SPATA16: variants seen among roughly 807,000 people sequenced by gnomAD.
The protein encoded by SPATA16 is spermatogenesis associated 16.
In SPATA16, 36 loss-of-function variants were observed where a neutral mutation model predicts 63.3. The observed-to-expected ratio is 0.57, with a 90% CI of 0.44 to 0.75. SPATA16 has a LOEUF of 0.75. Ranked by LOEUF, SPATA16 falls within the 30% of genes least tolerant of loss-of-function variation. The pLI, the probability that SPATA16 is intolerant of heterozygous loss-of-function variation, is 0.00. For synonymous variants in SPATA16, 203 were observed against 216.7 expected, an observed-to-expected ratio of 0.94 and a Z score of 0.56; for missense variants, 646 against 679.3, an observed-to-expected ratio of 0.95 and a Z score of 0.54.
At chr3:173,075,821 A>G (rs747778331) in intron 2 of SPATA16, among the ~76,000 whole-genome samples, 2 of 152,152 alleles carry the variant, frequency 1.3e-5, no homozygotes, top group Non-Finnish European at 2.9e-5. Context: ...GCATACAAGA[A>G]TATAGATAGA....
At chr3:173,055,961 T>G (rs1736212236) in intron 2 of SPATA16, among the ~76,000 whole-genome samples, 1 of 152,230 alleles carries the variant, frequency 6.6e-6, no homozygotes, top group South Asian at 2.1e-4. Context: ...TATTCCTTCC[T>G]TTATTTTATT....
At chr3:172,981,843 G>A (rs780713945) in intron 4 of SPATA16, among the ~76,000 whole-genome samples, 3 of 152,190 alleles carry the variant, frequency 2.0e-5, no homozygotes, top group Non-Finnish European at 4.4e-5. Context: ...TAAATAACGT[G>A]TTAACGGAAC....
At chr3:173,108,549 T>C (rs184363178) in intron 2 of SPATA16, among the ~76,000 whole-genome samples, 96 of 152,262 alleles carry the variant, frequency 6.3e-4, no homozygotes, top group East Asian at 3.5e-3. Context: ...GATCATTGCC[T>C]GGACCCCAGA....
At chr3:173,120,139 A>G (rs1010934700) in intron 1 of SPATA16, among the ~76,000 whole-genome samples, 9 of 152,042 alleles carry the variant, frequency 5.9e-5, no homozygotes, top group African/African-American at 9.7e-5. Flanking sequence ...CTGGCATCCA[A>G]CATCTTTTGG....
chr3:172,960,226 T>G (rs1733718125), intron 5 of SPATA16, among the ~76,000 whole-genome samples: 1 of 152,210 alleles, frequency 6.6e-6, no homozygotes. Context: ...AAATGATACT[T>G]CTTAATTTGA....
intron 2 of SPATA16, among the ~76,000 whole-genome samples, chr3:173,089,837 C>T (rs953706873): frequency 2.0e-5 from 3 of 152,126 alleles, no homozygotes; most frequent in Admixed American, 2.0e-4. Flanking sequence ...CACATGGGCC[C>T]TTACTGGAAG....
At chr3:173,069,346 A>AT (rs35656440) in intron 2 of SPATA16, among the ~76,000 whole-genome samples, 63,345 of 151,816 alleles carry the variant, frequency 0.42, 14,708 homozygotes, top group African/African-American at 0.63. Flanking sequence ...ATTAGAGACT[A>AT]TATGAGCAAC....
chr3:173,061,898 A>C (rs1177680531), intron 2 of SPATA16, among the ~76,000 whole-genome samples: 2 of 152,224 alleles, frequency 1.3e-5, no homozygotes, highest in African/African-American at 4.8e-5. Context: ...TTTCAGGAGC[A>C]ATGCTTTTCA....
At chr3:173,029,956 A>C (rs986584077) in intron 3 of SPATA16, among the ~76,000 whole-genome samples, 3 of 152,088 alleles carry the variant, frequency 2.0e-5, no homozygotes, top group African/African-American at 7.2e-5. Context: ...TGTTACATTC[A>C]TGCCATTAAT....
At chr3:172,989,841 A>G (rs77915473) in intron 4 of SPATA16, among the ~76,000 whole-genome samples, 6,122 of 152,206 alleles carry the variant, frequency 0.04, 424 homozygotes, top group African/African-American at 0.14. Flanking sequence ...GGTATTGATT[A>G]TCTCATTGTT....
At chr3:173,136,371 G>A (rs1183688812) in intron 1 of SPATA16, among the ~76,000 whole-genome samples, 2 of 151,536 alleles carry the variant, frequency 1.3e-5, no homozygotes, top group Non-Finnish European at 1.5e-5. Context: ...TTTATTATTT[G>A]TGGGGACATA....
chr3:172,977,176 T>G, intron 4 of SPATA16, 124 bp from the exon 5 acceptor site: 1 of 808,664 alleles, frequency 1.2e-6, no homozygotes, highest in Non-Finnish European at 2.0e-6. Context: ...TTGTCTAGAC[T>G]AATATTAAGC....
intron 1 of SPATA16, among the ~76,000 whole-genome samples, chr3:173,136,833 A>G (rs1374106904): frequency 6.6e-6 from 1 of 152,128 alleles, no homozygotes; most frequent in Non-Finnish European, 1.5e-5. Context: ...GGGTCTCAAG[A>G]GAGGCCAGTG....
chr3:173,139,095 C>T (rs895122232), intron 1 of SPATA16, among the ~76,000 whole-genome samples: 1 of 152,160 alleles, frequency 6.6e-6, no homozygotes, highest in African/African-American at 2.4e-5. Flanking sequence ...ATTATAATAT[C>T]TGCCTCATGT....
intron 5 of SPATA16, among the ~76,000 whole-genome samples, chr3:172,958,879 T>A (rs1733670260): frequency 1.3e-5 from 2 of 152,128 alleles, no homozygotes; most frequent in Admixed American, 1.3e-4. Flanking sequence ...TTTAATGTAA[T>A]TACCTGTTTA....
At chr3:172,929,067 C>T (rs1179621240) in intron 6 of SPATA16, among the ~76,000 whole-genome samples, 1 of 152,068 alleles carries the variant, frequency 6.6e-6, no homozygotes, top group East Asian at 1.9e-4. Context: ...TAAAAGTTAA[C>T]CAGATTATAT....
At chr3:173,129,312 C>A (rs1225862537) in intron 1 of SPATA16, among the ~76,000 whole-genome samples, 1 of 152,160 alleles carries the variant, frequency 6.6e-6, no homozygotes, top group Admixed American at 6.6e-5. Context: ...AGTTCAAATC[C>A]TAACTCTGTC....
At chr3:172,913,882 C>G in intron 9 of SPATA16, 138 bp from the exon 10 acceptor site, 3 of 741,530 alleles carry the variant, frequency 4.0e-6, no homozygotes. Context: ...ATGAATATTG[C>G]CACCTCATCT....
chr3:173,080,245 C>A (rs1468646288), intron 2 of SPATA16, among the ~76,000 whole-genome samples: 1 of 152,054 alleles, frequency 6.6e-6, no homozygotes, highest in Non-Finnish European at 1.5e-5. Flanking sequence ...TCAGAATCCA[C>A]CGAAGTATCT....
Sources: gnomAD v4.1 joint callset for allele counts (sites outside exome capture counted in the v4.1 genomes callset) on GRCh38, gnomAD v4.1.1 for gene constraint, MANE v1.5 for transcripts, NCBI Gene and HGNC (gene_info 2026-07-23, HGNC 2026-07-21) for gene names.